Variants in FOXN3 observed in about 807,000 individuals in gnomAD.
FOXN3 encodes forkhead box protein N3.
A neutral mutation model predicts 38.4 loss-of-function variants in FOXN3; 7 were observed. The ratio of observed to expected loss-of-function variants is 0.18; its 90% CI spans 0.10 to 0.34. FOXN3 has a LOEUF of 0.34. Among genes scored for constraint, FOXN3 ranks in the 10% least tolerant of loss-of-function variants. The pLI, the probability that FOXN3 is intolerant of heterozygous loss-of-function variation, is 1.00. For synonymous variants in FOXN3, 230 were observed against 242.2 expected (o/e 0.95, Z 0.47); for missense variants, 456 against 613.4 (o/e 0.74, Z 2.71).
chr14:89,255,684 C>T (rs940335067), intron 4 of FOXN3, among the ~76,000 whole-genome samples: 3 of 152,062 alleles, frequency 2.0e-5, no homozygotes, highest in East Asian at 3.9e-4. Flanking sequence ...AACCCAAGGC[C>T]CTTGCTCCTG....
chr14:89,359,761 G>A (rs750950198), intron 2 of FOXN3, among the ~76,000 whole-genome samples: 3 of 152,158 alleles, frequency 2.0e-5, no homozygotes, highest in Non-Finnish European at 4.4e-5. Context: ...AGGAGGAGAG[G>A]CCCTGACCCC....
chr14:89,340,508 T>C (rs565701656), intron 3 of FOXN3, among the ~76,000 whole-genome samples: 7 of 152,300 alleles, frequency 4.6e-5, no homozygotes, highest in South Asian at 4.1e-4. Context: ...CTCACATCCA[T>C]GGCAGAGTCT....
At chr14:89,447,191 C>G (rs1342929978) in intron 1 of FOXN3, among the ~76,000 whole-genome samples, 1 of 141,546 alleles carries the variant, frequency 7.1e-6, no homozygotes, top group African/African-American at 2.8e-5. Context: ...AGCAAAACTC[C>G]GTCACAAAAA....
chr14:89,377,976 A>G (rs1299427986), intron 2 of FOXN3, among the ~76,000 whole-genome samples: 1 of 152,218 alleles, frequency 6.6e-6, no homozygotes, highest in Admixed American at 6.5e-5. Context: ...CTGCAAGCCA[A>G]GAAGAGAGGC....
At chr14:89,315,452 A>G (rs1211640543) in intron 3 of FOXN3, among the ~76,000 whole-genome samples, 2 of 152,180 alleles carry the variant, frequency 1.3e-5, no homozygotes, top group African/African-American at 4.8e-5. Context: ...GATCAAAGGC[A>G]AGGGCAGCAA....
intron 1 of FOXN3, among the ~76,000 whole-genome samples, chr14:89,547,032 G>A (rs888589880): frequency 4.6e-5 from 7 of 151,096 alleles, no homozygotes; most frequent in Admixed American, 3.3e-4. Flanking sequence ...CGATCCACCC[G>A]CCGCAGCCTC....
chr14:89,198,266 G>A (rs546050538), intron 4 of FOXN3, among the ~76,000 whole-genome samples: 23 of 152,228 alleles, frequency 1.5e-4, no homozygotes, highest in Middle Eastern at 3.4e-3. Flanking sequence ...ATTGTATGAC[G>A]TATTATAAGT....
intron 2 of FOXN3, among the ~76,000 whole-genome samples, chr14:89,391,953 GC>G (rs1159875867): frequency 1.3e-5 from 2 of 152,180 alleles, no homozygotes; most frequent in Non-Finnish European, 2.9e-5. Flanking sequence ...GTTGCAGTGA[GC>G]TGAGATGGCA....
rs539444172 is a variant in FOXN3 at position 89,387,149 on chromosome 14, G to A, written c.543+24785C>T. 2.6e-5 allele frequency among the ~76,000 whole-genome samples: 4 copies of A among 152,298 alleles called. No individual in the cohort carries two copies. In the South Asian group the frequency reaches 6.2e-4, roughly 24 times the overall value. On this transcript the variant is annotated intron_variant, in intron 2 of 5. Coordinates refer to ENST00000557258, the MANE Select transcript of FOXN3 (RefSeq NM_005197.4). ...GGTGTACCTGTAGTCTCAGCTACTC[G>A]GGAGGCTGAGGCACAAGAATCACTT...
intron 4 of FOXN3, among the ~76,000 whole-genome samples, chr14:89,181,501 C>G (rs1014271782): frequency 6.6e-6 from 1 of 152,220 alleles, no homozygotes; most frequent in African/African-American, 2.4e-5. Flanking sequence ...GTTCATCCCC[C>G]CAGGCGATCC....
At chr14:89,487,338 C>A (rs974393025) in intron 1 of FOXN3, among the ~76,000 whole-genome samples, 1 of 152,172 alleles carries the variant, frequency 6.6e-6, no homozygotes, top group Non-Finnish European at 1.5e-5. Context: ...CATTAGCCTA[C>A]GCGCTGTAGT....
At chr14:89,180,906 G>T in intron 4 of FOXN3, 100 bp from the exon 5 acceptor site, 1 of 402,056 alleles carries the variant, frequency 2.5e-6, no homozygotes. Context: ...GAGAGAGAGA[G>T]AGACAGAGGG....
chr14:89,418,679 A>G (rs1891824545), upstream of FOXN3, among the ~76,000 whole-genome samples: 1 of 152,180 alleles, frequency 6.6e-6, no homozygotes, highest in South Asian at 2.1e-4. Context: ...GAGACAAGTC[A>G]GATGATCTTT....
intron 1 of FOXN3, among the ~76,000 whole-genome samples, chr14:89,457,536 GACA>G (rs1453581728): frequency 1.3e-5 from 2 of 152,142 alleles, no homozygotes; most frequent in Non-Finnish European, 2.9e-5. Flanking sequence ...GACAATGGGG[GACA>G]ACAATAGTAC....
At chr14:89,287,930 T>C (rs1886684624) in intron 3 of FOXN3, among the ~76,000 whole-genome samples, 1 of 151,966 alleles carries the variant, frequency 6.6e-6, no homozygotes, top group African/African-American at 2.4e-5. Flanking sequence ...TGTGGTGGCA[T>C]GTGCCTGTGG....
At chr14:89,226,113 C>T (rs944396522) in intron 4 of FOXN3, among the ~76,000 whole-genome samples, 63 of 81,432 alleles carry the variant, frequency 7.7e-4, no homozygotes, top group African/African-American at 2.4e-3. Flanking sequence ...GTGATGGGGG[C>T]GGGGGGAGGG....
intron 1 of FOXN3, among the ~76,000 whole-genome samples, chr14:89,490,914 A>G (rs1893557946): frequency 6.6e-6 from 1 of 152,220 alleles, no homozygotes; most frequent in Non-Finnish European, 1.5e-5. Flanking sequence ...ACAAAAGTAC[A>G]TACGTCATGG....
At chr14:89,606,822 T>G (rs1428834408) in intron 1 of FOXN3, among the ~76,000 whole-genome samples, 8 of 151,960 alleles carry the variant, frequency 5.3e-5, no homozygotes, top group Non-Finnish European at 7.4e-5. Flanking sequence ...CACTCCAGCC[T>G]GGGCGACAAT....
Position 89,494,431 on chromosome 14 carries a change from G to A in FOXN3, c.-14-81941C>T, listed in dbSNP as rs1010788944. On this transcript the variant is annotated intron_variant, in intron 1 of 6. Coordinates refer to the FOXN3 transcript ENST00000345097. ...AAAATACGGATGGCTGAAATGAGCCGTGGTACCAACCTAGCCTGCCGGCTG... is the reference window on the plus strand; with the variant it reads ...AAAATACGGATGGCTGAAATGAGCCATGGTACCAACCTAGCCTGCCGGCTG... Among the ~76,000 whole-genome samples, 27 of 152,316 alleles carry A rather than the reference G, an allele frequency of 1.8e-4. 1 individual carries two copies. Among genetic ancestry groups the A allele is most frequent in the Admixed American group, 6.5e-4 (10 of 15,288 alleles).
Sources: gnomAD v4.1 joint callset for allele counts (sites outside exome capture counted in the v4.1 genomes callset) on GRCh38, gnomAD v4.1.1 for gene constraint, MANE v1.5 for transcripts, NCBI Gene and HGNC (gene_info 2026-07-23, HGNC 2026-07-21) for gene names.